IFNGR1: variants seen among roughly 807,000 people sequenced by gnomAD.
IFNGR1 encodes interferon gamma receptor 1, also known as AVP, type 2.
Under a neutral mutation model 35.4 loss-of-function variants are expected in IFNGR1, and 23 were observed. That is an observed-to-expected ratio of 0.65 (90% CI 0.47 to 0.92). IFNGR1 has a LOEUF of 0.92. Among genes scored for constraint, IFNGR1 ranks in the 40% least tolerant of loss-of-function variants. The pLI, the probability that IFNGR1 is intolerant of heterozygous loss-of-function variation, is 0.00. For missense variants in IFNGR1, 533 were observed against 583.4 expected, an observed-to-expected ratio of 0.91 and a Z score of 0.89; for synonymous variants, 199 against 209.5, an observed-to-expected ratio of 0.95 and a Z score of 0.43.
intron 1 of IFNGR1, among the ~76,000 whole-genome samples, chr6:137,211,985 A>C (rs1779584953): frequency 6.6e-6 from 1 of 152,044 alleles, no homozygotes; most frequent in South Asian, 2.1e-4. Context: ...GAGGCTGAGA[A>C]TTTTCAAACC....
rs909972345 is a variant in IFNGR1, at chr6:137,202,694, C to A, written c.733+805G>T. Among the ~76,000 whole-genome samples the A allele has an allele frequency of 2.3e-4, 35 of 151,160 alleles. 1 individual carries two copies. The highest frequency in any genetic ancestry group is 6.8e-3 in the Middle Eastern group (2 of 294). On this transcript the variant is annotated intron_variant, in intron 5 of 6. Transcript: ENST00000367739. ...TACAATATATGCTTAAAGCAATACA[C>A]AAAATCATATATACTATACAATATG...
Position 137,207,008 on chromosome 6 carries a change from A to T in IFNGR1, c.155T>A (p.Ile52Asn). 1.2e-6 allele frequency: 2 copies of T among 1,613,904 alleles called. No individual in the cohort carries two copies. Among genetic ancestry groups the T allele is most frequent in the Non-Finnish European group, 1.7e-6 (2 of 1,179,814 alleles). Reference protein sequence around the residue: ...MNPIVYWEYQIMPQVPVFTVE... With the variant: ...MNPIVYWEYQNMPQVPVFTVE... ...GGTAAAAACAGGGACCTGTGGCATGATCTGGTACTCCCAATATACGATAGG... is the reference window on the plus strand; with the variant it reads ...GGTAAAAACAGGGACCTGTGGCATGTTCTGGTACTCCCAATATACGATAGG... Residue 52 changes from isoleucine (I) to asparagine (N), a missense_variant, in exon 2 of 7, where the codon ATC (isoleucine) becomes AAC (asparagine). Coordinates refer to ENST00000367739, the MANE Select transcript of IFNGR1 (RefSeq NM_000416.3).
chr6:137,204,463 TCTC>T lies in IFNGR1; in HGVS notation c.412_414del (p.Glu138del), dbSNP rs760261455. 1.9e-6 allele frequency: 3 copies of T among 1,613,992 alleles called. No homozygotes were observed. The highest frequency in any genetic ancestry group is 3.3e-5 in the Admixed American group (2 of 60,030). On this transcript the variant is annotated inframe_deletion, in exon 4 of 7. Coordinates refer to ENST00000367739, the MANE Select transcript of IFNGR1 (RefSeq NM_000416.3). ...TGAAATATGTCAATCATGATTTGCT[TCTC>T]CTCCTTTCTGATATCCAGTTTAGGT...
chr6:137,201,653 C>T (rs1342610439), intron 5 of IFNGR1, among the ~76,000 whole-genome samples: 1 of 150,742 alleles, frequency 6.6e-6, no homozygotes, highest in South Asian at 2.1e-4. Context: ...AGCCTGGTGA[C>T]AGAGCGAGAC....
rs745988398 is a variant in IFNGR1 at position 137,207,067 on chromosome 6, T to G, written c.96A>C (p.Pro32=). The G allele has an allele frequency of 6.2e-7, 1 of 1,613,976 alleles. No individual in the cohort carries two copies. Among genetic ancestry groups the G allele is most frequent in the South Asian group, 1.1e-5 (1 of 91,078 alleles). ...TATAGGATTCAATTGTAACATTAGTTGGTGTAGGCACTGTAAGAAAATAAA... is the reference window on the plus strand; with the variant it reads ...TATAGGATTCAATTGTAACATTAGTGGGTGTAGGCACTGTAAGAAAATAAA... ...ADLGPSSVPT[P]TNVTIESYNM... Residue 32 remains proline, a synonymous_variant, in exon 2 of 7, where the codon CCA becomes CCC. Transcript: ENST00000367739.
At chr6:137,206,935 A>T in intron 2 of IFNGR1, 28 bp downstream of exon 2, 1 of 1,541,884 alleles carries the variant, frequency 6.5e-7, no homozygotes, top group Non-Finnish European at 9.0e-7. Context: ...AATGGAATAA[A>T]AAGGATAAAT....
At chr6:137,201,657 G>A (rs1019769631) in intron 5 of IFNGR1, among the ~76,000 whole-genome samples, 3 of 151,664 alleles carry the variant, frequency 2.0e-5, no homozygotes, top group African/African-American at 7.3e-5. Flanking sequence ...TGGTGACAGA[G>A]CGAGACTCCA....
intron 1 of IFNGR1, chr6:137,209,959 C>G: frequency 2.5e-6 from 1 of 398,554 alleles, no homozygotes; most frequent in Admixed American, 4.4e-5. Context: ...TGCCTTCACT[C>G]TTTCAGAAAA....
intron 6 of IFNGR1, among the ~76,000 whole-genome samples, chr6:137,199,492 T>TAAAATATAATTTATAA (rs1562283275): frequency 1.5e-4 from 15 of 102,296 alleles, no homozygotes; most frequent in African/African-American, 5.8e-4. Context: ...TTATAATATA[T>TAAAATATAATTTATAA]TATATAAAAT....
At chr6:137,207,479 C>G (rs1214757323) in intron 1 of IFNGR1, among the ~76,000 whole-genome samples, 1 of 152,164 alleles carries the variant, frequency 6.6e-6, no homozygotes, top group Non-Finnish European at 1.5e-5. Flanking sequence ...TGTGTCCCCA[C>G]CCAAATCTCA....
Position 137,203,566 on chromosome 6 carries a change from A to C in IFNGR1, c.666T>G (p.His222Gln), listed in dbSNP as rs369013118. ...ACTTTTCAGTTGTAACACCCCACAC[A>C]TGTAAGACTCCTTCTGCTGAAACAC... is the stretch of plus-strand genomic sequence containing the variant. ...QYCVSAEGVL[H>Q]VWGVTTEKSK... Residue 222 changes from histidine (H) to glutamine (Q), a missense_variant, in exon 5 of 7, where the codon CAT becomes CAG. His to Gln is a conservative substitution (Grantham distance 24). Transcript: ENST00000367739. 1 of 1,613,662 alleles carries C rather than the reference A, an allele frequency of 6.2e-7. No homozygotes were observed. Among genetic ancestry groups the C allele is most frequent in the African/African-American group, 1.3e-5 (1 of 75,036 alleles).
intron 4 of IFNGR1, among the ~76,000 whole-genome samples, chr6:137,204,074 T>C (rs1428289558): frequency 6.6e-6 from 1 of 152,146 alleles, no homozygotes; most frequent in Non-Finnish European, 1.5e-5. Flanking sequence ...AATGGAGGTG[T>C]ACTGGGAAAA....
chr6:137,207,596 A>C (rs1416558700), intron 1 of IFNGR1, among the ~76,000 whole-genome samples: 2 of 152,148 alleles, frequency 1.3e-5, no homozygotes, highest in African/African-American at 4.8e-5. Flanking sequence ...GTGATAGTGA[A>C]TAAGTCTCAT....
intron 1 of IFNGR1, among the ~76,000 whole-genome samples, chr6:137,212,213 T>C (rs1215691364): frequency 6.6e-6 from 1 of 152,184 alleles, no homozygotes. Context: ...AGGACCCCCC[T>C]TCCTCTAGGT....
Position 137,200,896 on chromosome 6 carries a change from T to C in IFNGR1, c.846A>G (p.Ile282Met). The C allele has an allele frequency of 6.3e-7, 1 of 1,595,012 alleles. No individual in the cohort carries two copies. Among genetic ancestry groups the C allele is most frequent in the Admixed American group, 1.7e-5 (1 of 59,678 alleles). Residue 282 changes from isoleucine (I) to methionine (M), a missense_variant, in exon 6 of 7, where the codon ATA becomes ATG. Coordinates refer to ENST00000367739, the MANE Select transcript of IFNGR1 (RefSeq NM_000416.3). ...KINPLKEKSI[I>M]LPKSLISVVR... ...AATACATTACCAAGGACTTGGGTAA[T>C]ATTATGCTTTTTTCCTTCAATGGAT...
intron 1 of IFNGR1, 85 bp downstream of exon 1, chr6:137,219,158 A>T (rs930078175): frequency 5.3e-6 from 8 of 1,520,808 alleles, no homozygotes; most frequent in Non-Finnish European, 7.1e-6. Context: ...ACCTCGGAGA[A>T]GCGGGGCGGG....
chr6:137,199,537 T>TTTATA lies in IFNGR1; in HGVS notation c.862-899_862-898insTATAA, dbSNP rs1475908384. On this transcript the variant is annotated intron_variant, in intron 6 of 6. Coordinates refer to ENST00000367739, the MANE Select transcript of IFNGR1 (RefSeq NM_000416.3). Reference sequence around the variant, plus strand: ...ATAATATATTATATATAATATATAATATATATTATATAACATATAAAATAT... The same window carrying TTTATA: ...ATAATATATTATATATAATATATAATTTATAATATATTATATAACATATAAAATAT... 1.2e-3 allele frequency among the ~76,000 whole-genome samples: 68 copies of TTTATA among 58,308 alleles called. 1 individual carries two copies. Among genetic ancestry groups the TTTATA allele is most frequent in the Non-Finnish European group, 1.5e-3 (45 of 30,800 alleles). 38.3% of individuals were successfully genotyped at this position (58,308 alleles called of 152,430 possible).
intron 1 of IFNGR1, among the ~76,000 whole-genome samples, chr6:137,208,205 C>T (rs1034556615): frequency 3.3e-5 from 5 of 152,100 alleles, no homozygotes; most frequent in African/African-American, 1.2e-4. Context: ...AAGTGACTTG[C>T]GTGCTGTTAA....
chr6:137,203,042 A>G (rs1166530935), intron 5 of IFNGR1, among the ~76,000 whole-genome samples: 1 of 152,144 alleles, frequency 6.6e-6, no homozygotes, highest in Non-Finnish European at 1.5e-5. Flanking sequence ...AAACCCATCT[A>G]TAAACTTTTT....
Sources: allele counts gnomAD v4.1 joint callset (sites outside exome capture counted in the v4.1 genomes callset), GRCh38; gene constraint gnomAD v4.1.1; transcripts MANE v1.5; gene names NCBI Gene and HGNC (gene_info 2026-07-23, HGNC 2026-07-21).